Variants in SLC26A5 observed in about 807,000 individuals in gnomAD.
SLC26A5 encodes the protein solute carrier family 26 member 5.
A neutral mutation model predicts 81.0 loss-of-function variants in SLC26A5; 51 were observed. The observed-to-expected ratio is 0.63, with a 90% CI of 0.50 to 0.80. SLC26A5 has a LOEUF of 0.80. Among genes scored for constraint, SLC26A5 ranks in the 30% least tolerant of loss-of-function variants. SLC26A5 has a pLI of 0.00. For synonymous variants in SLC26A5, 325 were observed against 332.8 expected (o/e 0.98, Z 0.25); for missense variants, 771 against 905.8 (o/e 0.85, Z 1.91).
chr7:103,415,500 G>T (rs537931227), intron 4 of SLC26A5, among the ~76,000 whole-genome samples: 1 of 152,204 alleles, frequency 6.6e-6, no homozygotes, highest in Non-Finnish European at 1.5e-5. Flanking sequence ...GGTACCGGGT[G>T]GGAGTATTAC....
chr7:103,422,047 G>A (rs1010324263), intron 2 of SLC26A5, among the ~76,000 whole-genome samples: 1 of 152,200 alleles, frequency 6.6e-6, no homozygotes, highest in Non-Finnish European at 1.5e-5. Flanking sequence ...TTACATGTCT[G>A]TTTGAGGCAA....
At chr7:103,377,856 T>C (rs974985554) in intron 17 of SLC26A5, 57 bp from the exon 18 acceptor site, 282 of 1,522,508 alleles carry the variant, frequency 1.9e-4, no homozygotes, top group Non-Finnish European at 2.4e-4. Flanking sequence ...TTTCTGGTTG[T>C]GAGAAAGATT....
chr7:103,387,830 C>T (rs565163621), intron 14 of SLC26A5, among the ~76,000 whole-genome samples: 24 of 151,576 alleles, frequency 1.6e-4, no homozygotes, highest in Non-Finnish European at 2.7e-4. Flanking sequence ...TACAGGTGCA[C>T]GCCACCATGC....
intron 4 of SLC26A5, among the ~76,000 whole-genome samples, chr7:103,415,612 G>A (rs937065496): frequency 1.3e-5 from 2 of 152,120 alleles, no homozygotes; most frequent in East Asian, 1.9e-4. Context: ...GAGAAAACTC[G>A]TTCTAAATAT....
At chr7:103,386,400 T>C (rs1822198253) in intron 14 of SLC26A5, among the ~76,000 whole-genome samples, 1 of 151,864 alleles carries the variant, frequency 6.6e-6, no homozygotes, top group African/African-American at 2.4e-5. Flanking sequence ...ACTCTGTCTT[T>C]ACTAAAAATA....
At chr7:103,364,956 TAC>T (rs1820616947) in intron 19 of SLC26A5, among the ~76,000 whole-genome samples, 2 of 68,052 alleles carry the variant, frequency 2.9e-5, no homozygotes, top group African/African-American at 5.7e-5. Context: ...TTTGTAGACA[TAC>T]ATATATATAT....
chr7:103,396,722 T>C (rs904954316), intron 9 of SLC26A5, among the ~76,000 whole-genome samples: 1 of 152,084 alleles, frequency 6.6e-6, no homozygotes, highest in Admixed American at 6.6e-5. Flanking sequence ...AGTTACAGAT[T>C]TGCAAGGTGA....
intron 19 of SLC26A5, among the ~76,000 whole-genome samples, chr7:103,360,594 C>T (rs111474588): frequency 0.015 from 2,356 of 152,288 alleles, 27 homozygotes; most frequent in Non-Finnish European, 0.023. Context: ...TTTAGCTCTA[C>T]CTATGTGCGC....
chr7:103,362,554 C>A, intron 19 of SLC26A5: 1 of 1,412,446 alleles, frequency 7.1e-7, no homozygotes, highest in Non-Finnish European at 9.5e-7. Flanking sequence ...CTCTTTATTT[C>A]TCTTTATATA....
chr7:103,385,307 C>T (rs1251706300), intron 14 of SLC26A5, among the ~76,000 whole-genome samples: 4 of 152,162 alleles, frequency 2.6e-5, no homozygotes, highest in East Asian at 1.9e-4. Flanking sequence ...GAACTACAGG[C>T]GCCCGCCACC....
chr7:103,430,076 CTTTTT>C (rs34122107), intron 2 of SLC26A5, among the ~76,000 whole-genome samples: 7 of 137,196 alleles, frequency 5.1e-5, no homozygotes, highest in Non-Finnish European at 6.4e-5. Flanking sequence ...GGAAATGGCA[CTTTTT>C]TTTTTTTTTT....
In SLC26A5 at chr7:103,411,596, T is replaced by G. The variant is rs757818537; in HGVS notation, c.404-10A>C. 1.2e-6 allele frequency: 2 copies of G among 1,614,044 alleles called. No individual in the cohort carries two copies. The highest frequency in any genetic ancestry group is 2.7e-5 in the African/African-American group (2 of 75,006). Reference sequence around the variant, plus strand: ...ATAACAGCAAAAGGACCTGAAATAATGAAGCATGAAGATCCCTGTTCAGGG... The same window carrying G: ...ATAACAGCAAAAGGACCTGAAATAAGGAAGCATGAAGATCCCTGTTCAGGG... On this transcript the variant is annotated splice_polypyrimidine_tract_variant and intron_variant, in intron 5 of 19. Coordinates refer to ENST00000306312, the MANE Select transcript of SLC26A5 (RefSeq NM_198999.3).
At chr7:103,404,526 T>C (rs529640286) in intron 8 of SLC26A5, among the ~76,000 whole-genome samples, 1 of 152,374 alleles carries the variant, frequency 6.6e-6, no homozygotes, top group South Asian at 2.1e-4. Flanking sequence ...TCTTCTGGCT[T>C]GTAGGGTGTC....
chr7:103,398,371 G>A (rs1156970770), intron 8 of SLC26A5, among the ~76,000 whole-genome samples: 1 of 152,140 alleles, frequency 6.6e-6, no homozygotes, highest in Non-Finnish European at 1.5e-5. Context: ...TATGAATAAA[G>A]GATATTTAAC....
chr7:103,444,616 C>A (rs1005364628), intron 1 of SLC26A5, among the ~76,000 whole-genome samples: 1 of 152,210 alleles, frequency 6.6e-6, no homozygotes, highest in Admixed American at 6.5e-5. Flanking sequence ...TGAGTCAATT[C>A]TTTTGGTTTC....
rs1826997968 is a variant in SLC26A5, at chr7:103,443,105, A to G, written c.-76T>C. The G allele has an allele frequency of 6.6e-6, 1 of 152,242 alleles. No individual in the cohort carries two copies. The highest frequency in any genetic ancestry group is 2.4e-5 in the African/African-American group (1 of 41,434). The allele number at this position is 152,242 out of a possible 1,614,324, so 9.4% of individuals were successfully genotyped here. ...TACCCAGATCCAATGTGCAGCACAAAAGTCGGGACAGGGGACAAGATCCCC... is the reference window on the plus strand; with the variant it reads ...TACCCAGATCCAATGTGCAGCACAAGAGTCGGGACAGGGGACAAGATCCCC... On this transcript the variant is annotated 5_prime_UTR_variant, in exon 2 of 20. Transcript: ENST00000306312.
In SLC26A5 at chr7:103,391,479, C is replaced by T. The variant is rs74584081; in HGVS notation, c.1233+143G>A. ...TTGTGATTCACTTCAACCAATCATG[C>T]CTTTCTCTGATTCCCTACACAGCTC... On this transcript the variant is annotated intron_variant, in intron 11 of 19. Transcript: ENST00000306312. 7.1e-3 allele frequency: 5,032 copies of T among 709,328 alleles called. 164 individuals carry two copies. The African/African-American group carries it at 0.078, about 11-fold the overall frequency. The allele number at this position is 709,328 out of a possible 1,614,324, so 43.9% of individuals were successfully genotyped here. A position where few individuals can be genotyped will look rare whatever the true frequency, so the allele number is the denominator to read the frequency against.
At chr7:103,364,033 T>G in intron 19 of SLC26A5, 1 of 1,005,494 alleles carries the variant, frequency 9.9e-7, no homozygotes, top group Non-Finnish European at 1.4e-6. Context: ...AATATTAAAG[T>G]ATGGTTTTCA....
chr7:103,398,707 C>T (rs1823343985), intron 8 of SLC26A5, among the ~76,000 whole-genome samples: 1 of 152,074 alleles, frequency 6.6e-6, no homozygotes, highest in Non-Finnish European at 1.5e-5. Context: ...GGAACTATTG[C>T]CTATAGAGCT....
Sources: allele counts gnomAD v4.1 joint callset (sites outside exome capture counted in the v4.1 genomes callset), GRCh38; gene constraint gnomAD v4.1.1; transcripts MANE v1.5; gene names NCBI Gene and HGNC (gene_info 2026-07-23, HGNC 2026-07-21).